ATP2B1: variants seen among roughly 807,000 people sequenced by gnomAD.
ATP2B1 encodes the protein plasma membrane calcium-transporting ATPase 1.
In ATP2B1, 14 loss-of-function variants were observed where a neutral mutation model predicts 124.2. The observed-to-expected ratio is 0.11, with a 90% CI of 0.07 to 0.18. The LOEUF (loss-of-function observed/expected upper bound fraction) is 0.18. Among genes scored for constraint, ATP2B1 ranks in the 10% least tolerant of loss-of-function variants. The probability of loss-of-function intolerance (pLI) is 1.00; values close to 1 mark genes in which losing one functional copy is unlikely to be tolerated. For missense variants in ATP2B1, 763 were observed against 1,466.1 expected (o/e 0.52, Z 7.83); for synonymous variants, 449 against 492.4 (o/e 0.91, Z 1.17).
At chr12:89,706,133 C>A (rs1200741413) in intron 1 of ATP2B1, among the ~76,000 whole-genome samples, 1 of 152,128 alleles carries the variant, frequency 6.6e-6, no homozygotes, top group Non-Finnish European at 1.5e-5. Flanking sequence ...GTATTAAAAT[C>A]TCCATTTATT....
chr12:89,706,563 C>T (rs1350288307), intron 1 of ATP2B1, among the ~76,000 whole-genome samples: 2 of 151,984 alleles, frequency 1.3e-5, no homozygotes, highest in Admixed American at 6.6e-5. Context: ...TCTCAGAATG[C>T]TAAAATCCCA....
intron 3 of ATP2B1, chr12:89,641,936 G>A: frequency 1.9e-6 from 1 of 528,686 alleles, no homozygotes; most frequent in South Asian, 2.2e-5. Context: ...TATATGGATA[G>A]GTTATTTAAC....
chr12:89,623,950 T>C (rs1373315831), intron 9 of ATP2B1, among the ~76,000 whole-genome samples: 1 of 151,914 alleles, frequency 6.6e-6, no homozygotes, highest in Non-Finnish European at 1.5e-5. Flanking sequence ...CCCAGCAGAG[T>C]CGTGCTTAGT....
At chr12:89,690,403 C>T (rs1890430967) in intron 1 of ATP2B1, among the ~76,000 whole-genome samples, 1 of 151,030 alleles carries the variant, frequency 6.6e-6, no homozygotes, top group African/African-American at 2.4e-5. Flanking sequence ...GTAGCTCACA[C>T]ATTTTAAGTA....
intron 1 of ATP2B1, among the ~76,000 whole-genome samples, chr12:89,701,081 G>A (rs998038924): frequency 3.9e-5 from 6 of 152,136 alleles, no homozygotes; most frequent in South Asian, 2.1e-4. Context: ...CTTCTTGGCA[G>A]CTGGAAGAAT....
intron 1 of ATP2B1, 91 bp from the exon 2 acceptor site, chr12:89,656,198 A>G (rs976583203): frequency 5.0e-6 from 2 of 398,440 alleles, no homozygotes; most frequent in Non-Finnish European, 8.8e-6. Context: ...CAGGTAGCTA[A>G]AGTAGATAAT....
intron 1 of ATP2B1, among the ~76,000 whole-genome samples, chr12:89,678,013 C>CACACACACAT (rs1888887188): frequency 7.1e-6 from 1 of 140,312 alleles, no homozygotes; most frequent in African/African-American, 2.7e-5. Context: ...CACACACACA[C>CACACACACAT]ACACATATAC....
intron 1 of ATP2B1, among the ~76,000 whole-genome samples, chr12:89,702,472 T>C (rs1321728104): frequency 6.6e-6 from 1 of 152,216 alleles, no homozygotes; most frequent in Non-Finnish European, 1.5e-5. Context: ...ACAAGATTAT[T>C]ATTTAAAATC....
In ATP2B1 at chr12:89,624,392, A is replaced by C; in HGVS notation, c.1135T>G (p.Leu379Val). 1 of 1,611,330 alleles carries C rather than the reference A, an allele frequency of 6.2e-7. No individual in the cohort carries two copies. The highest frequency in any genetic ancestry group is 8.5e-7 in the Non-Finnish European group (1 of 1,178,326). ...ATGATAACTGTGATGGCAGACATCA[A>C]CAGACCTTTCAGAATAGAAATGAAA... is the stretch of plus-strand genomic sequence containing the variant. ...LAVQIGKAGLLMSAITVIILV... is the reference protein window; with the variant it reads ...LAVQIGKAGLVMSAITVIILV... Residue 379 changes from leucine to valine, a missense_variant, in exon 9 of 21, where the codon TTG becomes GTG. By Grantham distance (32) the Leu-to-Val change is conservative. This residue lies in a region of ATP2B1 where 392 missense variants were observed against 776.6 expected (regional missense o/e 0.50). Coordinates refer to ENST00000428670, the MANE Select transcript of ATP2B1 (RefSeq NM_001366521.1).
At chr12:89,647,115 A>G (rs1884567291) in intron 2 of ATP2B1, among the ~76,000 whole-genome samples, 1 of 152,232 alleles carries the variant, frequency 6.6e-6, no homozygotes, top group South Asian at 2.1e-4. Flanking sequence ...ATAAATAATG[A>G]TATCAAATTA....
intron 1 of ATP2B1, among the ~76,000 whole-genome samples, chr12:89,697,440 C>T (rs568469123): frequency 6.6e-6 from 1 of 152,142 alleles, no homozygotes; most frequent in African/African-American, 2.4e-5. Flanking sequence ...AATGTTCCTT[C>T]ATGTCCACAT....
At chr12:89,625,675 TCTA>T (rs1880762319) in intron 8 of ATP2B1, among the ~76,000 whole-genome samples, 1 of 151,682 alleles carries the variant, frequency 6.6e-6, no homozygotes, top group South Asian at 2.1e-4. Context: ...CAATCTAATG[TCTA>T]CTAAGTGGAT....
intron 1 of ATP2B1, among the ~76,000 whole-genome samples, chr12:89,686,624 C>T (rs1247768489): frequency 6.6e-6 from 1 of 151,980 alleles, no homozygotes; most frequent in Non-Finnish European, 1.5e-5. Flanking sequence ...AATGTTATGG[C>T]CAACTAATCA....
At chr12:89,681,382 A>ATTT (rs1245235858) in intron 1 of ATP2B1, among the ~76,000 whole-genome samples, 1 of 148,396 alleles carries the variant, frequency 6.7e-6, no homozygotes, top group African/African-American at 2.5e-5. Flanking sequence ...ATCCCTATAA[A>ATTT]TTTTTTTTTT....
Position 89,626,577 on chromosome 12 carries a change from A to G in ATP2B1, c.1006T>C (p.Leu336=), listed in dbSNP as rs1255020721. 2.5e-6 allele frequency: 4 copies of G among 1,612,222 alleles called. No individual in the cohort carries two copies. Among genetic ancestry groups the G allele is most frequent in the Non-Finnish European group, 8.5e-7 (1 of 1,179,522 alleles). The stretch of plus-strand genomic sequence containing the variant: ...CCATCTCCACCTTCTTCACTCTTCA[A>G]TGGCTGCATTTCCATGGCTGCACCA... ...QDGAAMEMQP[L]KSEEGGDGDE... Residue 336 remains leucine, a synonymous_variant, in exon 8 of 21, where the codon TTG becomes CTG. Coordinates refer to ENST00000428670, the MANE Select transcript of ATP2B1 (RefSeq NM_001366521.1).
At chr12:89,665,569 T>C (rs1326211354) in intron 1 of ATP2B1, among the ~76,000 whole-genome samples, 1 of 152,244 alleles carries the variant, frequency 6.6e-6, no homozygotes, top group Non-Finnish European at 1.5e-5. Context: ...TATAATCCTG[T>C]GCAGTTTACC....
intron 5 of ATP2B1, among the ~76,000 whole-genome samples, chr12:89,631,551 A>C (rs1881859913): frequency 6.6e-6 from 1 of 152,072 alleles, no homozygotes; most frequent in African/African-American, 2.4e-5. Flanking sequence ...ATCTTCCTAA[A>C]ATTGTGATTT....
intron 6 of ATP2B1, among the ~76,000 whole-genome samples, chr12:89,628,346 G>A (rs1881256935): frequency 6.6e-6 from 1 of 150,528 alleles, no homozygotes. Context: ...AGGTTGCAGT[G>A]AGCCAAGATC....
At chr12:89,620,749 T>C (rs1477422555) in intron 10 of ATP2B1, among the ~76,000 whole-genome samples, 1 of 152,172 alleles carries the variant, frequency 6.6e-6, no homozygotes. Flanking sequence ...GAAATACCAC[T>C]TTACATAATT....
Sources: allele counts gnomAD v4.1 joint callset (sites outside exome capture counted in the v4.1 genomes callset), GRCh38; gene constraint gnomAD v4.1.1; regional missense constraint gnomAD v4.1.1; transcripts MANE v1.5; gene names NCBI Gene and HGNC (gene_info 2026-07-23, HGNC 2026-07-21).